Variants in SYT15B observed in about 807,000 individuals in gnomAD.
The protein encoded by SYT15B is synaptotagmin-15.
the SYT15B span, among the ~76,000 whole-genome samples, chr10:47,750,704 C>A: frequency 1.6e-5 from 2 of 128,120 alleles, no homozygotes; most frequent in Admixed American, 8.4e-5. Context: ...TTCCAAAGTG[C>A]GGGGATAATA....
chr10:47,749,223 G>C, the SYT15B span, among the ~76,000 whole-genome samples: 6 of 86,262 alleles, frequency 7.0e-5, no homozygotes, highest in African/African-American at 2.1e-4. Flanking sequence ...GACAGAGTGA[G>C]ACCCTGTCTC....
At chr10:47,750,704 C>T in the SYT15B span, among the ~76,000 whole-genome samples, 92 of 128,184 alleles carry the variant, frequency 7.2e-4, no homozygotes, top group African/African-American at 2.3e-3. Context: ...TTCCAAAGTG[C>T]GGGGATAATA....
At chr10:47,750,988 G>A in the SYT15B span, 3 of 143,650 alleles carry the variant, frequency 2.1e-5, no homozygotes, top group Non-Finnish European at 3.0e-5. Flanking sequence ...AAGGTGCAGA[G>A]TAAGTATTTG....
the SYT15B span, chr10:47,763,126 C>T: frequency 3.0e-6 from 3 of 988,890 alleles, no homozygotes; most frequent in African/African-American, 5.2e-5. Context: ...AGCCGAGGCC[C>T]CTCCAGCCGC....
the SYT15B span, chr10:47,762,991 A>G: frequency 1.4e-5 from 17 of 1,227,364 alleles, no homozygotes; most frequent in Admixed American, 4.1e-5. Flanking sequence ...GTGCGGTGAG[A>G]GTACCACCCC....
chr10:47,748,106 GT>G, the SYT15B span, among the ~76,000 whole-genome samples: 3 of 152,038 alleles, frequency 2.0e-5, no homozygotes, highest in Non-Finnish European at 2.9e-5. Flanking sequence ...AGAAGGAACA[GT>G]TAAATAAATA....
At chr10:47,748,386 A>AT in the SYT15B span, among the ~76,000 whole-genome samples, 4 of 149,750 alleles carry the variant, frequency 2.7e-5, no homozygotes, top group African/African-American at 9.8e-5. Flanking sequence ...TAATTTTTGG[A>AT]TTTTTTAGTG....
the SYT15B span, among the ~76,000 whole-genome samples, chr10:47,746,923 T>C: frequency 1.6e-5 from 2 of 121,470 alleles, no homozygotes; most frequent in African/African-American, 6.2e-5. Context: ...GAATCCTTTT[T>C]CTGAGAAAAG....
chr10:47,748,050 C>A, the SYT15B span, among the ~76,000 whole-genome samples: 1 of 152,246 alleles, frequency 6.6e-6, no homozygotes, highest in East Asian at 1.9e-4. Context: ...GGTGAACAGG[C>A]CTAACACATA....
the SYT15B span, chr10:47,762,678 GGCTGGGGCTGGGCT>G: frequency 4.6e-6 from 4 of 861,608 alleles, no homozygotes; most frequent in Non-Finnish European, 6.1e-6. Flanking sequence ...CGGTCTGGGC[GGCTGGGGCTGGGCT>G]GCCAGGCCGT....
chr10:47,749,628 C>T, the SYT15B span, among the ~76,000 whole-genome samples: 222 of 149,614 alleles, frequency 1.5e-3, 3 homozygotes, highest in Admixed American at 2.5e-3. Flanking sequence ...GTGGAGGAAA[C>T]CACTAAAGAA....
At chr10:47,761,116 AC>A in the SYT15B span, among the ~76,000 whole-genome samples, 1 of 150,638 alleles carries the variant, frequency 6.6e-6, no homozygotes, top group Non-Finnish European at 1.5e-5. Flanking sequence ...ACACACACAC[AC>A]ACACACACAC....
chr10:47,761,096 A>G, the SYT15B span, among the ~76,000 whole-genome samples: 77 of 72,228 alleles, frequency 1.1e-3, 1 homozygote, highest in Non-Finnish European at 1.6e-3. Flanking sequence ...ACACACACAC[A>G]CACACGCACA....
the SYT15B span, chr10:47,763,209 C>T: frequency 2.0e-6 from 2 of 988,124 alleles, no homozygotes; most frequent in Non-Finnish European, 2.4e-6. Context: ...CGGGCCCCAG[C>T]GCTGCCTGCC....
chr10:47,744,836 TC>T, the SYT15B span, among the ~76,000 whole-genome samples: 1 of 152,076 alleles, frequency 6.6e-6, no homozygotes, highest in Admixed American at 6.6e-5. Context: ...ACTTTCTGGA[TC>T]ACAAAATTCA....
At chr10:47,750,893 T>C in the SYT15B span, 1 of 151,650 alleles carries the variant, frequency 6.6e-6, no homozygotes, top group Non-Finnish European at 1.5e-5. Context: ...ATTACAAGAA[T>C]GTTAAGTTTG....
the SYT15B span, among the ~76,000 whole-genome samples, chr10:47,756,784 G>T: frequency 6.7e-6 from 1 of 150,184 alleles, no homozygotes; most frequent in African/African-American, 2.4e-5. Flanking sequence ...CTGTATTCTG[G>T]GAGGCCAAGC....
chr10:47,748,542 T>G, the SYT15B span, among the ~76,000 whole-genome samples: 2 of 152,108 alleles, frequency 1.3e-5, no homozygotes, highest in African/African-American at 4.8e-5. Flanking sequence ...CTGCTGCAAA[T>G]GAAAGACAAG....
At chr10:47,763,522 CGG>C in the SYT15B span, 2 of 679,562 alleles carry the variant, frequency 2.9e-6, no homozygotes, top group Admixed American at 1.5e-4. Flanking sequence ...CGGTGGTTAT[CGG>C]ATGGAGGCCA....
Sources: allele counts gnomAD v4.1 joint callset (sites outside exome capture counted in the v4.1 genomes callset), GRCh38; gene constraint gnomAD v4.1.1; transcripts MANE v1.5; gene names NCBI Gene and HGNC (gene_info 2026-07-23, HGNC 2026-07-21).